CYSLTR2: variants seen among roughly 807,000 people sequenced by gnomAD.
CYSLTR2 encodes the protein cysteinyl leukotriene receptor 2.
For missense variants in CYSLTR2, 398 were observed against 411.9 expected, an observed-to-expected ratio of 0.97 and a Z score of 0.29; for synonymous variants, 179 against 160.8, an observed-to-expected ratio of 1.11 and a Z score of -0.86.
intron 4 of CYSLTR2, among the ~76,000 whole-genome samples, chr13:48,700,266 C>T (rs956381967): frequency 2.0e-5 from 3 of 152,142 alleles, no homozygotes; most frequent in Admixed American, 2.0e-4. Context: ...TGCAAAAATC[C>T]TAAATAAAAT....
chr13:48,698,749 C>T (rs1369897333), intron 4 of CYSLTR2, among the ~76,000 whole-genome samples: 6 of 152,030 alleles, frequency 3.9e-5, no homozygotes, highest in Admixed American at 3.9e-4. Context: ...GAGTCAAGAC[C>T]CATCAGCGTG....
intron 4 of CYSLTR2, among the ~76,000 whole-genome samples, chr13:48,698,298 G>A (rs1954249640): frequency 6.6e-6 from 1 of 152,218 alleles, no homozygotes; most frequent in South Asian, 2.1e-4. Flanking sequence ...ACAAAGGGAA[G>A]CCCATCAGAC....
chr13:48,698,209 C>G (rs1486808237), intron 4 of CYSLTR2, among the ~76,000 whole-genome samples: 3 of 152,100 alleles, frequency 2.0e-5, no homozygotes, highest in Non-Finnish European at 2.9e-5. Flanking sequence ...AACTCCAAGA[C>G]ACATAATTGT....
chr13:48,656,223 T>C (rs868326209), intron 1 of CYSLTR2, among the ~76,000 whole-genome samples: 3 of 152,230 alleles, frequency 2.0e-5, no homozygotes, highest in Non-Finnish European at 4.4e-5. Context: ...GAATTGTTCA[T>C]GTGTTTCTGG....
chr13:48,683,005 T>A (rs1185411610), intron 1 of CYSLTR2, among the ~76,000 whole-genome samples: 1 of 152,162 alleles, frequency 6.6e-6, no homozygotes, highest in Non-Finnish European at 1.5e-5. Flanking sequence ...CTATGTAAGT[T>A]TGCTAAGGAT....
intron 1 of CYSLTR2, among the ~76,000 whole-genome samples, chr13:48,678,413 T>C (rs1365791711): frequency 6.6e-6 from 1 of 152,144 alleles, no homozygotes; most frequent in East Asian, 1.9e-4. Flanking sequence ...CTTGTATCAT[T>C]TGGCCAGTCT....
At chr13:48,675,164 G>T (rs936382522) in intron 1 of CYSLTR2, among the ~76,000 whole-genome samples, 2 of 152,198 alleles carry the variant, frequency 1.3e-5, no homozygotes, top group Non-Finnish European at 2.9e-5. Flanking sequence ...CAGAGGTCAA[G>T]TGCTGTGCTG....
Position 48,707,858 on chromosome 13 carries a change from A to C in CYSLTR2, c.1041A>C (p.Ter347TyrextTer5). The C allele has an allele frequency of 6.6e-7, 1 of 1,519,314 alleles. No individual in the cohort carries two copies. The highest frequency in any genetic ancestry group is 8.8e-7 in the Non-Finnish European group (1 of 1,135,582). 94.1% of individuals were successfully genotyped at this position (1,519,314 alleles called of 1,614,324 possible). ...GGTTGAGAAAGGAAACAAGAGTATA[A>C]GGAGCTCTTAGATGAGACCTGTTCT... Reference protein sequence around the residue: ...SVWLRKETRV* With the variant: ...SVWLRKETRVY The change falls in exon 5 of 5, where the codon TAA (stop) becomes TAC (tyrosine). Residue 347 changes from the stop codon to tyrosine (Y), a stop_lost. Transcript: ENST00000682523.
chr13:48,680,190 C>T (rs117474093), intron 1 of CYSLTR2, among the ~76,000 whole-genome samples: 5 of 152,110 alleles, frequency 3.3e-5, no homozygotes, highest in South Asian at 2.1e-4. Flanking sequence ...TCAGACTCTG[C>T]GGGCAGGACA....
chr13:48,695,307 CTT>C (rs1954150044), intron 3 of CYSLTR2, among the ~76,000 whole-genome samples: 1 of 142,864 alleles, frequency 7.0e-6, no homozygotes, highest in African/African-American at 2.6e-5. Flanking sequence ...TTTCTTCTTT[CTT>C]TCTCTCTCTT....
At chr13:48,656,201 T>C (rs1952993888) in intron 1 of CYSLTR2, among the ~76,000 whole-genome samples, 1 of 152,240 alleles carries the variant, frequency 6.6e-6, no homozygotes, top group African/African-American at 2.4e-5. Context: ...ACTTGTGTAA[T>C]AAAAATAAAT....
Position 48,710,548 on chromosome 13 carries a change from A to C in CYSLTR2, c.*2690A>C, listed in dbSNP as rs188967778. The C allele has an allele frequency of 6.6e-6, 1 of 152,334 alleles. No individual in the cohort carries two copies. Among genetic ancestry groups the C allele is most frequent in the East Asian group, 1.9e-4 (1 of 5,194 alleles). The allele number at this position is 152,334 out of a possible 1,614,324, so 9.4% of individuals were successfully genotyped here. On this transcript the variant is annotated 3_prime_UTR_variant, in exon 5 of 5. Coordinates refer to ENST00000682523, the MANE Select transcript of CYSLTR2 (RefSeq NM_001308476.3). ...GTGCTTCCTCTAACAGAAAATGTGAAAGTTCTTGACTTAATAAGGAAAGAA... is the reference window on the plus strand; with the variant it reads ...GTGCTTCCTCTAACAGAAAATGTGACAGTTCTTGACTTAATAAGGAAAGAA...
At chr13:48,677,283 G>T (rs1427562339) in intron 1 of CYSLTR2, among the ~76,000 whole-genome samples, 1 of 152,204 alleles carries the variant, frequency 6.6e-6, no homozygotes, top group African/African-American at 2.4e-5. Flanking sequence ...CTCCTCTGAG[G>T]TGGAGGGCAT....
In CYSLTR2 at chr13:48,680,795, C is replaced by CT. The variant is rs1268529678; in HGVS notation, c.-265-10413dup. Among the ~76,000 whole-genome samples the CT allele has an allele frequency of 1.2e-3, 129 of 110,562 alleles. 2 individuals carry two copies. Among genetic ancestry groups the CT allele is most frequent in the African/African-American group, 4.2e-3 (102 of 24,060 alleles). The allele number at this position is 110,562 out of a possible 152,430, so 72.5% of individuals were successfully genotyped here. A position where few individuals can be genotyped will look rare whatever the true frequency, so the allele number is the denominator to read the frequency against. On this transcript the variant is annotated intron_variant, in intron 1 of 4. Coordinates refer to ENST00000682523, the MANE Select transcript of CYSLTR2 (RefSeq NM_001308476.3). Reference sequence around the variant, plus strand: ...TTCTTTTCTTTCTTTCTTTTCTTTTCTTTTCTTTTTTTTTTTTTTTTTTTT... The same window carrying CT: ...TTCTTTTCTTTCTTTCTTTTCTTTTCTTTTTCTTTTTTTTTTTTTTTTTTTT...
intron 1 of CYSLTR2, among the ~76,000 whole-genome samples, chr13:48,667,675 C>T (rs1566083552): frequency 6.6e-6 from 1 of 152,216 alleles, no homozygotes; most frequent in Non-Finnish European, 1.5e-5. Context: ...CTCAACTGCA[C>T]AGCTGCTCAC....
At chr13:48,674,105 G>A (rs1953529595) in intron 1 of CYSLTR2, among the ~76,000 whole-genome samples, 1 of 152,088 alleles carries the variant, frequency 6.6e-6, no homozygotes, top group South Asian at 2.1e-4. Flanking sequence ...GTGTCTTGGG[G>A]TTGCTCTTAT....
At chr13:48,669,655 C>T (rs541802929) in intron 1 of CYSLTR2, among the ~76,000 whole-genome samples, 5 of 152,274 alleles carry the variant, frequency 3.3e-5, no homozygotes, top group East Asian at 1.9e-4. Context: ...ATATGTACCA[C>T]GTTTTCTTTA....
At chr13:48,701,412 G>C (rs953205970) in intron 4 of CYSLTR2, among the ~76,000 whole-genome samples, 1 of 152,134 alleles carries the variant, frequency 6.6e-6, no homozygotes, top group African/African-American at 2.4e-5. Flanking sequence ...AATGGTGCTG[G>C]GAAAACTGGC....
intron 1 of CYSLTR2, among the ~76,000 whole-genome samples, chr13:48,663,801 A>G (rs963161213): frequency 2.6e-5 from 4 of 152,052 alleles, no homozygotes; most frequent in Admixed American, 6.6e-5. Flanking sequence ...CTTTCTCTTG[A>G]ATATGAATGC....
Sources: gnomAD v4.1 joint callset for allele counts (sites outside exome capture counted in the v4.1 genomes callset) on GRCh38, gnomAD v4.1.1 for gene constraint, MANE v1.5 for transcripts, NCBI Gene and HGNC (gene_info 2026-07-23, HGNC 2026-07-21) for gene names.